PAFAH1B2: variants seen among roughly 807,000 people sequenced by gnomAD.
PAFAH1B2 encodes platelet activating factor acetylhydrolase 1b catalytic subunit 2, also known as platelet-activating factor acetylhydrolase IB subunit alpha2.
Under a neutral mutation model 28.0 loss-of-function variants are expected in PAFAH1B2, and 8 were observed. That is an observed-to-expected ratio of 0.29 (90% CI 0.17 to 0.52). The LOEUF (loss-of-function observed/expected upper bound fraction) is 0.52, where lower values mean the gene tolerates loss of function less well. Among genes scored for constraint, PAFAH1B2 ranks in the 20% least tolerant of loss-of-function variants. The pLI is 0.97. For synonymous variants in PAFAH1B2, 104 were observed against 103.2 expected, an observed-to-expected ratio of 1.01 and a Z score of -0.05; for missense variants, 190 against 282.6, an observed-to-expected ratio of 0.67 and a Z score of 2.35.
At chr11:117,167,396 T>C in intron 5 of PAFAH1B2, 25 bp from the exon 6 acceptor site, 1 of 1,523,382 alleles carries the variant, frequency 6.6e-7, no homozygotes, top group Non-Finnish European at 8.8e-7. Flanking sequence ...AATCTTCTAA[T>C]TTAATGTTTT....
At chr11:117,172,376 ATATATATATATATATATATATATATATAT>A (rs1354148560), downstream of PAFAH1B2, among the ~76,000 whole-genome samples, 71 of 13,026 alleles carry the variant, frequency 5.5e-3, 2 homozygotes, top group East Asian at 0.043. Flanking sequence ...ATATATATAT[ATATATATATATATATATATATATATATAT>A]TTTTTTTTTT....
At chr11:117,164,958 C>CT (rs368887694) in intron 5 of PAFAH1B2, among the ~76,000 whole-genome samples, 82,232 of 132,164 alleles carry the variant, frequency 0.62, 27,356 homozygotes, top group Non-Finnish European at 0.75. Flanking sequence ...TTTCTTTTTT[C>CT]TTTTTTTTTT....
intron 1 of PAFAH1B2, among the ~76,000 whole-genome samples, chr11:117,151,635 T>C (rs896899101): frequency 4.6e-5 from 7 of 152,208 alleles, no homozygotes; most frequent in South Asian, 2.1e-4. Flanking sequence ...TCATAATCTG[T>C]ACTACAGTTA....
At chr11:117,146,334 C>G (rs937443858) in intron 1 of PAFAH1B2, among the ~76,000 whole-genome samples, 4 of 152,030 alleles carry the variant, frequency 2.6e-5, no homozygotes, top group Admixed American at 2.6e-4. Flanking sequence ...CTCAAGTGAT[C>G]CACCCGCCTC....
chr11:117,174,649 T>G (rs1161865583), downstream of PAFAH1B2, among the ~76,000 whole-genome samples: 1 of 152,174 alleles, frequency 6.6e-6, no homozygotes, highest in Non-Finnish European at 1.5e-5. Context: ...CGGCTAATTT[T>G]GTATTTTTAG....
intron 1 of PAFAH1B2, among the ~76,000 whole-genome samples, chr11:117,145,791 A>G (rs954060380): frequency 2.0e-5 from 3 of 152,156 alleles, no homozygotes; most frequent in Admixed American, 2.0e-4. Flanking sequence ...TCTTGGTTCA[A>G]CTTTCTTCAT....
rs1289575923 is a variant in PAFAH1B2, at chr11:117,168,998, C to T, written c.*1299C>T. Reference sequence around the variant, plus strand: ...TAGAGACGGGATTTCGCCATGTTAACCAGGCTGGTCTCGAACTCCTGACCT... The same window carrying T: ...TAGAGACGGGATTTCGCCATGTTAATCAGGCTGGTCTCGAACTCCTGACCT... On this transcript the variant is annotated 3_prime_UTR_variant, in exon 6 of 6. Coordinates refer to ENST00000527958, the MANE Select transcript of PAFAH1B2 (RefSeq NM_002572.4). The T allele has an allele frequency of 2.0e-5, 8 of 396,518 alleles. No homozygotes were observed. Among genetic ancestry groups the T allele is most frequent in the Non-Finnish European group, 2.8e-5 (8 of 282,294 alleles). The allele number at this position is 396,518 out of a possible 1,614,324, so 24.6% of individuals were successfully genotyped here. A position where few individuals can be genotyped will look rare whatever the true frequency, so the allele number is the denominator to read the frequency against.
rs987600760 is a variant in PAFAH1B2 at position 117,152,391 on chromosome 11, A to G, written c.-7-50A>G. The stretch of plus-strand genomic sequence containing the variant: ...TGATGTGTATAATATTTAAGTGGTA[A>G]CAAACCTTCCTGTTAACAAATGAAA... On this transcript the variant is annotated intron_variant, in intron 1 of 5. Coordinates refer to ENST00000527958, the MANE Select transcript of PAFAH1B2 (RefSeq NM_002572.4). The G allele has an allele frequency of 1.2e-5, 14 of 1,127,766 alleles. No homozygotes were observed. In the East Asian group the frequency reaches 3.3e-4, roughly 26 times the overall value. The allele number at this position is 1,127,766 out of a possible 1,614,324, so 69.9% of individuals were successfully genotyped here.
At chr11:117,166,032 G>A (rs191006384) in intron 5 of PAFAH1B2, among the ~76,000 whole-genome samples, 7 of 152,188 alleles carry the variant, frequency 4.6e-5, no homozygotes, top group African/African-American at 1.7e-4. Flanking sequence ...GTAGAAACGG[G>A]GTTTCACCAT....
rs1451142721 is a variant in PAFAH1B2 at position 117,168,692 on chromosome 11, G to GA, written c.*994dup. ...TAACAGTTTTTTTTGGGGGTGGGGG[G>GA]ATTCAGAACTCTTGTTTCCCATTCC... On this transcript the variant is annotated 3_prime_UTR_variant, in exon 6 of 6. Transcript: ENST00000527958. 1 of 1,059,856 alleles carries GA rather than the reference G, an allele frequency of 9.4e-7. No individual in the cohort carries two copies. The highest frequency in any genetic ancestry group is 1.1e-6 in the Non-Finnish European group (1 of 875,886). The allele number at this position is 1,059,856 out of a possible 1,614,324, so 65.7% of individuals were successfully genotyped here.
chr11:117,167,243 A>G (rs1044517760), intron 5 of PAFAH1B2, among the ~76,000 whole-genome samples, 178 bp from the exon 6 acceptor site: 2 of 152,192 alleles, frequency 1.3e-5, no homozygotes, highest in Non-Finnish European at 2.9e-5. Context: ...AAGGGAACCC[A>G]TGAAAAAACT....
intron 2 of PAFAH1B2, among the ~76,000 whole-genome samples, 163 bp downstream of exon 2, chr11:117,152,691 T>C (rs1203878077): frequency 1.3e-5 from 2 of 152,224 alleles, no homozygotes; most frequent in Non-Finnish European, 2.9e-5. Context: ...TAGCTGGGAC[T>C]AGTGGCACAT....
chr11:117,166,687 A>G (rs970710226), intron 5 of PAFAH1B2, among the ~76,000 whole-genome samples: 3 of 152,226 alleles, frequency 2.0e-5, no homozygotes, highest in African/African-American at 4.8e-5. Flanking sequence ...TTCCAGGGTG[A>G]ATAGCTCTGA....
At chr11:117,157,035 AAAAG>A (rs1429670745) in intron 2 of PAFAH1B2, among the ~76,000 whole-genome samples, 7 of 148,220 alleles carry the variant, frequency 4.7e-5, no homozygotes, top group African/African-American at 1.8e-4. Flanking sequence ...AAAATCTCAA[AAAAG>A]AAAAAAAAAA....
At chr11:117,173,259 T>G (rs1313072227), downstream of PAFAH1B2, among the ~76,000 whole-genome samples, 1 of 152,148 alleles carries the variant, frequency 6.6e-6, no homozygotes, top group African/African-American at 2.4e-5. Flanking sequence ...AAGCCCAGTT[T>G]TAGGAAATGG....
rs1306799830 is a variant in PAFAH1B2, at chr11:117,168,309, C to G, written c.*610C>G. On this transcript the variant is annotated 3_prime_UTR_variant, in exon 6 of 6. Coordinates refer to ENST00000527958, the MANE Select transcript of PAFAH1B2 (RefSeq NM_002572.4). The stretch of plus-strand genomic sequence containing the variant: ...GCTTAGCAGTGAAAAACAGGTTTTG[C>G]CCCAGTAGAGGGATTCTTTGGAGGG... 1 of 1,063,946 alleles carries G rather than the reference C, an allele frequency of 9.4e-7. No homozygotes were observed. The highest frequency in any genetic ancestry group is 5.0e-5 in the East Asian group (1 of 19,942). 65.9% of individuals were successfully genotyped at this position (1,063,946 alleles called of 1,614,324 possible). A position where few individuals can be genotyped will look rare whatever the true frequency, so the allele number is the denominator to read the frequency against.
At chr11:117,172,708 C>G (rs1350446098), downstream of PAFAH1B2, among the ~76,000 whole-genome samples, 1 of 152,082 alleles carries the variant, frequency 6.6e-6, no homozygotes, top group Non-Finnish European at 1.5e-5. Context: ...AGCTCCTACT[C>G]TATTTTTATT....
intron 3 of PAFAH1B2, 58 bp downstream of exon 3, chr11:117,160,081 T>C: frequency 8.8e-7 from 1 of 1,139,342 alleles, no homozygotes; most frequent in South Asian, 1.2e-5. Context: ...CATTCATTAC[T>C]AACAGACTTT....
At chr11:117,158,686 C>G (rs1214446693) in intron 2 of PAFAH1B2, among the ~76,000 whole-genome samples, 2 of 132,730 alleles carry the variant, frequency 1.5e-5, no homozygotes, top group South Asian at 2.3e-4. Context: ...CTCTTGTCGC[C>G]TAGGCTGGAG....
Sources: allele counts gnomAD v4.1 joint callset (sites outside exome capture counted in the v4.1 genomes callset), GRCh38; gene constraint gnomAD v4.1.1; transcripts MANE v1.5; gene names NCBI Gene and HGNC (gene_info 2026-07-23, HGNC 2026-07-21).